The following PDE11A variants were observed in gnomAD, a reference collection of about 807,000 sequenced individuals.
PDE11A encodes the protein phosphodiesterase 11A.
In PDE11A, 100 loss-of-function variants were observed where a neutral mutation model predicts 100.5. That is an observed-to-expected ratio of 1.00 (90% CI 0.85 to 1.18). The LOEUF is 1.18. PDE11A is among the 50% of genes most tolerant of loss of function. PDE11A has a pLI of 0.00. For synonymous variants in PDE11A, 381 were observed against 420.8 expected, an observed-to-expected ratio of 0.91 and a Z score of 1.16; for missense variants, 1,141 against 1,152.6, an observed-to-expected ratio of 0.99 and a Z score of 0.15.
chr2:177,635,373 G>T (rs1405717), intron 19 of PDE11A, among the ~76,000 whole-genome samples: 93,447 of 151,966 alleles, frequency 0.61, 32,579 homozygotes, highest in Non-Finnish European at 0.75. Context: ...CATCACTGGG[G>T]CCCCATGTTC....
intron 9 of PDE11A, among the ~76,000 whole-genome samples, chr2:177,782,715 A>G (rs1413250555): frequency 1.3e-5 from 2 of 152,142 alleles, no homozygotes; most frequent in Non-Finnish European, 2.9e-5. Flanking sequence ...TAAATTTAGT[A>G]TAATGTGAAG....
At chr2:178,097,005 G>A (rs770059452) in intron 2 of PDE11A, among the ~76,000 whole-genome samples, 1 of 152,084 alleles carries the variant, frequency 6.6e-6, no homozygotes, top group Non-Finnish European at 1.5e-5. Flanking sequence ...TCCTGCCTCA[G>A]CCTCCTGAGT....
At chr2:177,831,235 G>T (rs542432438) in intron 6 of PDE11A, among the ~76,000 whole-genome samples, 1 of 152,314 alleles carries the variant, frequency 6.6e-6, no homozygotes, top group South Asian at 2.1e-4. Flanking sequence ...AGCCCTCTCA[G>T]CAGGCATCTG....
chr2:177,809,250 A>G (rs2082913795), intron 9 of PDE11A, among the ~76,000 whole-genome samples: 2 of 152,196 alleles, frequency 1.3e-5, no homozygotes, highest in Admixed American at 6.6e-5. Flanking sequence ...AAAAACAGTT[A>G]AAGTCATAAA....
intron 9 of PDE11A, among the ~76,000 whole-genome samples, chr2:177,781,522 A>G (rs1343091385): frequency 7.5e-5 from 11 of 147,212 alleles, no homozygotes; most frequent in Non-Finnish European, 8.9e-5. Context: ...TTTTTTTGAG[A>G]CTCTGTCTGT....
chr2:178,029,605 A>C (rs2086519802), intron 1 of PDE11A, among the ~76,000 whole-genome samples: 1 of 152,130 alleles, frequency 6.6e-6, no homozygotes, highest in Non-Finnish European at 1.5e-5. Flanking sequence ...TTAGGGGAAA[A>C]GAACAGCAAA....
intron 1 of PDE11A, among the ~76,000 whole-genome samples, chr2:178,039,238 T>G (rs72489058): frequency 3.3e-5 from 5 of 152,178 alleles, no homozygotes; most frequent in Non-Finnish European, 7.3e-5. Flanking sequence ...GGAACATGGA[T>G]AGAGCTGGAA....
chr2:177,649,647 G>T (rs5025340), intron 19 of PDE11A, among the ~76,000 whole-genome samples: 132,490 of 152,220 alleles, frequency 0.87, 57,762 homozygotes, highest in East Asian at 0.98. Flanking sequence ...AAACAATGTA[G>T]AAGCATTATG....
intron 10 of PDE11A, among the ~76,000 whole-genome samples, chr2:177,759,078 C>G (rs1574112913): frequency 6.6e-6 from 1 of 152,092 alleles, no homozygotes; most frequent in Non-Finnish European, 1.5e-5. Context: ...CCATTTGCTT[C>G]TCTCTTTGGA....
At chr2:177,857,007 A>G (rs2105661306) in intron 5 of PDE11A, among the ~76,000 whole-genome samples, 1 of 152,182 alleles carries the variant, frequency 6.6e-6, no homozygotes, top group East Asian at 1.9e-4. Flanking sequence ...ACATATTATA[A>G]TCAAACTGTC....
At chr2:178,020,630 A>G (rs1466745628) in intron 1 of PDE11A, among the ~76,000 whole-genome samples, 5 of 152,020 alleles carry the variant, frequency 3.3e-5, no homozygotes, top group African/African-American at 1.2e-4. Flanking sequence ...CATCTCTACT[A>G]AAAATACAAA....
chr2:177,693,079 G>A (rs1020089952), intron 15 of PDE11A, among the ~76,000 whole-genome samples: 1 of 152,116 alleles, frequency 6.6e-6, no homozygotes, highest in African/African-American at 2.4e-5. Flanking sequence ...GAGTAGTCAG[G>A]GCAGAAGAAC....
At chr2:177,997,809 AG>A in intron 2 of PDE11A, 3 of 1,299,718 alleles carry the variant, frequency 2.3e-6, no homozygotes, top group Non-Finnish European at 3.4e-6. Context: ...CTTCTTCTGG[AG>A]GGAGGGGCAT....
In PDE11A at chr2:177,836,769, G is replaced by A. The variant is rs150160798; in HGVS notation, c.1500+3482C>T. 5.3e-4 allele frequency among the ~76,000 whole-genome samples: 81 copies of A among 152,204 alleles called. No individual in the cohort carries two copies. In the East Asian group the frequency reaches 0.012, roughly 22 times the overall value. ...CTCACCTGGAGGAATGAACAACTCC[G>A]GACGGGAGGAACAAACAACTCCAGA... On this transcript the variant is annotated intron_variant, in intron 6 of 19. Transcript: ENST00000286063.
intron 2 of PDE11A, among the ~76,000 whole-genome samples, chr2:177,992,743 A>G (rs1432316403): frequency 2.0e-5 from 3 of 152,160 alleles, no homozygotes; most frequent in Non-Finnish European, 4.4e-5. Flanking sequence ...TCAGTTTGAC[A>G]TAATAGAACA....
chr2:178,071,965 A>T lies in PDE11A; in HGVS notation c.473T>A (p.Leu158His), dbSNP rs1161376512. Residue 158 changes from leucine to histidine, a missense_variant, in exon 1 of 20, where the codon CTC becomes CAC. Coordinates refer to ENST00000286063, the MANE Select transcript of PDE11A (RefSeq NM_016953.4). ...GGGGGGCAGGGAGCTTGCCTTCCGG[A>T]GAAGTGCCCTCCGTCGTACACTACT... ...PLSSVRRRAL[L>H]RKASSLPPTT... is the part of the protein sequence containing the mutation. 7 of 1,613,976 alleles carry T rather than the reference A, an allele frequency of 4.3e-6. No homozygotes were observed. Among genetic ancestry groups the T allele is most frequent in the Non-Finnish European group, 5.9e-6 (7 of 1,179,982 alleles).
intron 15 of PDE11A, among the ~76,000 whole-genome samples, chr2:177,691,409 T>C (rs1174343238): frequency 6.6e-6 from 1 of 152,176 alleles, no homozygotes; most frequent in Non-Finnish European, 1.5e-5. Context: ...ATTAGCTGAA[T>C]TGCTAACACT....
At chr2:177,856,916 G>T (rs146191165) in intron 5 of PDE11A, among the ~76,000 whole-genome samples, 8 of 151,878 alleles carry the variant, frequency 5.3e-5, no homozygotes, top group African/African-American at 1.9e-4. Context: ...TCCCATACTT[G>T]ATTGAAATAA....
At chr2:178,005,379 G>A (rs1263832264) in intron 2 of PDE11A, among the ~76,000 whole-genome samples, 1 of 152,064 alleles carries the variant, frequency 6.6e-6, no homozygotes, top group Admixed American at 6.6e-5. Context: ...GCCAGACAAG[G>A]TGGCTCATGC....
Sources: allele counts gnomAD v4.1 joint callset (sites outside exome capture counted in the v4.1 genomes callset), GRCh38; gene constraint gnomAD v4.1.1; transcripts MANE v1.5; gene names NCBI Gene and HGNC (gene_info 2026-07-23, HGNC 2026-07-21).